ZFPM2: variants seen among roughly 807,000 people sequenced by gnomAD.
ZFPM2 encodes zinc finger protein ZFPM2.
Under a neutral mutation model 98.6 loss-of-function variants are expected in ZFPM2, and 20 were observed. The ratio of observed to expected loss-of-function variants is 0.20; its 90% confidence interval spans 0.14 to 0.29. The LOEUF is 0.29. Among genes scored for constraint, ZFPM2 ranks in the 10% least tolerant of loss-of-function variants. The probability of loss-of-function intolerance (pLI) is 1.00; values close to 1 mark genes in which losing one functional copy is unlikely to be tolerated. For synonymous variants in ZFPM2, 518 were observed against 502.7 expected (o/e 1.03, Z -0.41); for missense variants, 1,310 against 1,388.6 (o/e 0.94, Z 0.90).
intron 6 of ZFPM2, chr8:105,796,038 TATC>T (rs1451966172): frequency 5.1e-6 from 1 of 195,196 alleles, no homozygotes; most frequent in East Asian, 1.5e-4. Context: ...CTTGCTGTAA[TATC>T]ATCCTTTAGA....
chr8:105,783,086 T>C (rs1813298877), intron 5 of ZFPM2, among the ~76,000 whole-genome samples: 1 of 151,922 alleles, frequency 6.6e-6, no homozygotes, highest in South Asian at 2.1e-4. Flanking sequence ...TATGGCCAAA[T>C]AAAGTGAACT....
chr8:105,440,323 G>GT (rs1812210169), intron 2 of ZFPM2, among the ~76,000 whole-genome samples: 1 of 149,790 alleles, frequency 6.7e-6, no homozygotes, highest in Non-Finnish European at 1.5e-5. Flanking sequence ...TAAAGTTTTT[G>GT]TTTTTCATAT....
chr8:105,668,358 C>T (rs1817526558), intron 5 of ZFPM2, among the ~76,000 whole-genome samples: 1 of 152,122 alleles, frequency 6.6e-6, no homozygotes, highest in Non-Finnish European at 1.5e-5. Flanking sequence ...ACTAAATTAG[C>T]TTTTTCTACC....
At chr8:105,642,200 G>A (rs570842312) in intron 5 of ZFPM2, among the ~76,000 whole-genome samples, 1 of 151,966 alleles carries the variant, frequency 6.6e-6, no homozygotes, top group African/African-American at 2.4e-5. Flanking sequence ...ACTGTATTAT[G>A]TAGAAAAAAT....
chr8:105,638,447 G>A (rs1586166610), intron 5 of ZFPM2, among the ~76,000 whole-genome samples: 2 of 152,106 alleles, frequency 1.3e-5, no homozygotes, highest in East Asian at 1.9e-4. Flanking sequence ...TCTCATGGAC[G>A]ATGAAAATTA....
At chr8:105,775,012 T>G (rs974472102) in intron 5 of ZFPM2, among the ~76,000 whole-genome samples, 4 of 144,002 alleles carry the variant, frequency 2.8e-5, no homozygotes, top group African/African-American at 7.9e-5. Flanking sequence ...CCCTTCACTC[T>G]CCCTCTGTAG....
intron 5 of ZFPM2, among the ~76,000 whole-genome samples, chr8:105,676,553 G>A (rs1436615725): frequency 6.6e-6 from 1 of 151,756 alleles, no homozygotes; most frequent in Non-Finnish European, 1.5e-5. Context: ...CTTTTCATCT[G>A]TTTTGTTGAA....
At chr8:105,679,389 C>T (rs1053198340) in intron 5 of ZFPM2, among the ~76,000 whole-genome samples, 3 of 152,008 alleles carry the variant, frequency 2.0e-5, no homozygotes, top group African/African-American at 4.8e-5. Context: ...GACCATCTGG[C>T]CCCTGTAAGC....
In ZFPM2 at chr8:105,802,945, A is replaced by G. The variant is rs745960054; in HGVS notation, c.2863A>G (p.Lys955Glu). ...TGAAGCTGCTCAGCTCATTGCTACA[A>G]AAGAAGAAAACAGACATTTGTTTCT... ...FSEAAQLIAT[K>E]EENRHLFLPQ... The change falls in exon 8 of 8, where the codon AAA (lysine) becomes GAA (glutamate). Residue 955 changes from lysine to glutamate, a missense_variant. Transcript: ENST00000407775. 11 of 1,613,078 alleles carry G rather than the reference A, an allele frequency of 6.8e-6. No individual in the cohort carries two copies. Among genetic ancestry groups the G allele is most frequent in the Admixed American group, 1.7e-5 (1 of 59,824 alleles).
chr8:105,571,365 G>A (rs1363793114), intron 4 of ZFPM2, among the ~76,000 whole-genome samples: 2 of 152,192 alleles, frequency 1.3e-5, no homozygotes, highest in Non-Finnish European at 2.9e-5. Context: ...TGAGGAAGTG[G>A]TTTGTAAAGC....
intron 3 of ZFPM2, among the ~76,000 whole-genome samples, chr8:105,527,152 A>G (rs1814192044): frequency 6.6e-6 from 1 of 152,198 alleles, no homozygotes; most frequent in Admixed American, 6.6e-5. Context: ...TTCAGACCTC[A>G]GAAATCTTAC....
At chr8:105,391,496 C>A (rs887734333) in intron 1 of ZFPM2, among the ~76,000 whole-genome samples, 3 of 152,164 alleles carry the variant, frequency 2.0e-5, no homozygotes, top group African/African-American at 7.2e-5. Flanking sequence ...CTGTAGCTTG[C>A]AATGCTGTTT....
chr8:105,658,021 G>T (rs1817317919), intron 5 of ZFPM2, among the ~76,000 whole-genome samples: 18 of 152,154 alleles, frequency 1.2e-4, no homozygotes, highest in Non-Finnish European at 4.4e-5. Context: ...TTGTTGACCA[G>T]TGCTTCCATT....
intron 5 of ZFPM2, among the ~76,000 whole-genome samples, chr8:105,775,460 G>T (rs1261008845): frequency 6.6e-6 from 1 of 152,158 alleles, no homozygotes; most frequent in Admixed American, 6.5e-5. Context: ...TTTTGGTGGA[G>T]ATTTCCTCCC....
chr8:105,502,173 A>G (rs1813609320), intron 3 of ZFPM2, among the ~76,000 whole-genome samples: 2 of 151,818 alleles, frequency 1.3e-5, no homozygotes, highest in African/African-American at 2.4e-5. Flanking sequence ...TTAAGAAACA[A>G]TTACATATTG....
intron 4 of ZFPM2, among the ~76,000 whole-genome samples, chr8:105,619,553 C>CT (rs1816490413): frequency 2.0e-5 from 3 of 151,750 alleles, no homozygotes; most frequent in Admixed American, 2.0e-4. Flanking sequence ...TTAAATCATA[C>CT]TTTAAGTTCT....
At chr8:105,557,734 A>C (rs573724492) in intron 3 of ZFPM2, among the ~76,000 whole-genome samples, 1 of 152,296 alleles carries the variant, frequency 6.6e-6, no homozygotes, top group South Asian at 2.1e-4. Flanking sequence ...TAAACGAATG[A>C]ATGAGGCATA....
chr8:105,514,911 A>G (rs1813889473), intron 3 of ZFPM2, among the ~76,000 whole-genome samples: 1 of 152,202 alleles, frequency 6.6e-6, no homozygotes, highest in Non-Finnish European at 1.5e-5. Context: ...ATCCATATGA[A>G]TGAATGCATC....
At chr8:105,692,622 A>T (rs1810913844) in intron 5 of ZFPM2, among the ~76,000 whole-genome samples, 1 of 152,248 alleles carries the variant, frequency 6.6e-6, no homozygotes. Context: ...GCCTGTACAA[A>T]GCCAAAGGGT....
Sources: gnomAD v4.1 joint callset for allele counts (sites outside exome capture counted in the v4.1 genomes callset) on GRCh38, gnomAD v4.1.1 for gene constraint, MANE v1.5 for transcripts, NCBI Gene and HGNC (gene_info 2026-07-23, HGNC 2026-07-21) for gene names.